Variants in FARS2 observed in about 807,000 individuals in gnomAD.
FARS2 encodes the protein phenylalanyl-tRNA synthetase 2, mitochondrial.
In FARS2, 40 loss-of-function variants were observed where a neutral mutation model predicts 46.4. That is an observed-to-expected ratio of 0.86 (90% CI 0.67 to 1.12). The LOEUF is 1.12. FARS2 is among the 50% of genes most tolerant of loss of function. FARS2 has a pLI of 0.00. For missense variants in FARS2, 513 were observed against 567.9 expected, an observed-to-expected ratio of 0.90 and a Z score of 0.98; for synonymous variants, 234 against 214.9, an observed-to-expected ratio of 1.09 and a Z score of -0.78.
intron 4 of FARS2, among the ~76,000 whole-genome samples, chr6:5,522,513 G>C (rs1282404724): frequency 6.6e-6 from 1 of 152,254 alleles, no homozygotes; most frequent in Non-Finnish European, 1.5e-5. Context: ...AATTTGGTTT[G>C]CCCCATTAGC....
In FARS2 at chr6:5,306,870, A is replaced by C. The variant is rs1347303802; in HGVS notation, c.-22+45210A>C. On this transcript the variant is annotated intron_variant, in intron 1 of 6. Transcript: ENST00000274680. ...TCCTACAGCATGCTGAGGTGGGCAC[A>C]TTTTGACTTTGCTTGGTTTTGAAAG... Among the ~76,000 whole-genome samples, 6 of 152,086 alleles carry C rather than the reference A, an allele frequency of 3.9e-5. No homozygotes were observed. The East Asian group carries it at 1.2e-3, about 29-fold the overall frequency.
chr6:5,629,448 C>T (rs1467807049), intron 6 of FARS2, among the ~76,000 whole-genome samples: 1 of 151,886 alleles, frequency 6.6e-6, no homozygotes, highest in Non-Finnish European at 1.5e-5. Context: ...ATGTATATGT[C>T]TGTCTTTGTA....
At chr6:5,487,818 C>T (rs1472582812) in intron 4 of FARS2, among the ~76,000 whole-genome samples, 5 of 152,148 alleles carry the variant, frequency 3.3e-5, no homozygotes, top group African/African-American at 1.2e-4. Context: ...ATCCTGCAGT[C>T]ATCAGACCCC....
At chr6:5,608,137 A>T (rs1774953966) in intron 5 of FARS2, among the ~76,000 whole-genome samples, 1 of 152,186 alleles carries the variant, frequency 6.6e-6, no homozygotes, top group African/African-American at 2.4e-5. Context: ...TTAACCTCAA[A>T]TATAAGGATA....
At chr6:5,629,911 T>G (rs1452781124) in intron 6 of FARS2, among the ~76,000 whole-genome samples, 1 of 152,040 alleles carries the variant, frequency 6.6e-6, no homozygotes, top group South Asian at 2.1e-4. Flanking sequence ...TCCTGACCTG[T>G]GCGGCCAAGA....
chr6:5,260,450 A>G (rs959097806), upstream of FARS2, among the ~76,000 whole-genome samples: 3 of 152,250 alleles, frequency 2.0e-5, no homozygotes, highest in Non-Finnish European at 4.4e-5. Context: ...TGGTAGAAAG[A>G]AAGGCTCCTC....
chr6:5,264,437 T>G (rs1001827647), intron 1 of FARS2, among the ~76,000 whole-genome samples: 14 of 152,154 alleles, frequency 9.2e-5, no homozygotes, highest in African/African-American at 3.4e-4. Context: ...GTTCATTCCT[T>G]CAGCATTTAT....
intron 4 of FARS2, among the ~76,000 whole-genome samples, chr6:5,538,728 A>G (rs1033492824): frequency 6.6e-6 from 1 of 152,172 alleles, no homozygotes; most frequent in African/African-American, 2.4e-5. Flanking sequence ...CAATGACACA[A>G]TGCAGGGGTG....
chr6:5,346,547 T>C (rs991677182), intron 1 of FARS2, among the ~76,000 whole-genome samples: 4 of 152,096 alleles, frequency 2.6e-5, no homozygotes, highest in South Asian at 2.1e-4. Context: ...TGCTCCGGAG[T>C]GTAGCATTGT....
chr6:5,707,743 G>A (rs914901494), intron 6 of FARS2, among the ~76,000 whole-genome samples: 5 of 152,180 alleles, frequency 3.3e-5, no homozygotes, highest in African/African-American at 7.2e-5. Flanking sequence ...GAGCAGCCAC[G>A]TCCTTCCGTC....
chr6:5,293,172 CA>C (rs1357051653), intron 1 of FARS2, among the ~76,000 whole-genome samples: 1 of 152,152 alleles, frequency 6.6e-6, no homozygotes, highest in Non-Finnish European at 1.5e-5. Context: ...GAATTGCGAA[CA>C]AGAAGTGTTT....
rs185179590 is a variant in FARS2 at position 5,658,781 on chromosome 6, C to T, written c.1217+45461C>T. Among the ~76,000 whole-genome samples, 11 of 152,342 alleles carry T rather than the reference C, an allele frequency of 7.2e-5. No homozygotes were observed. The East Asian group carries it at 2.1e-3, about 29-fold the overall frequency. Reference sequence around the variant, plus strand: ...GGAGAAATTAAGCATCTTCCCCCCACCCCAATAACACAAGTTATTGGATAA... The same window carrying T: ...GGAGAAATTAAGCATCTTCCCCCCATCCCAATAACACAAGTTATTGGATAA... On this transcript the variant is annotated intron_variant, in intron 6 of 6. Transcript: ENST00000274680.
intron 5 of FARS2, among the ~76,000 whole-genome samples, chr6:5,588,309 C>G (rs1411231167): frequency 1.3e-5 from 2 of 152,124 alleles, no homozygotes; most frequent in African/African-American, 4.8e-5. Context: ...CGGGACCACG[C>G]TGTGGCCTCC....
intron 5 of FARS2, among the ~76,000 whole-genome samples, chr6:5,594,371 A>G (rs1774084357): frequency 6.6e-6 from 1 of 152,134 alleles, no homozygotes; most frequent in Non-Finnish European, 1.5e-5. Flanking sequence ...TCTGTACTTT[A>G]TTAGAATCTG....
intron 6 of FARS2, among the ~76,000 whole-genome samples, chr6:5,650,497 CTT>C (rs993016326): frequency 6.6e-6 from 1 of 152,006 alleles, no homozygotes; most frequent in African/African-American, 2.4e-5. Context: ...GCTTTGGTGA[CTT>C]TGTAAAGACA....
Position 5,622,694 on chromosome 6 carries a change from A to T in FARS2, c.1217+9374A>T, listed in dbSNP as rs115777474. Among the ~76,000 whole-genome samples the T allele has an allele frequency of 4.1e-3, 620 of 152,286 alleles. 4 individuals are homozygous for T. The highest frequency in any genetic ancestry group is 6.5e-3 in the Non-Finnish European group (440 of 68,014). The stretch of plus-strand genomic sequence containing the variant: ...GAGGAGCCAACTATGAAGTGGAGAG[A>T]GACAGCCTTCACCAGACACCAAATC... On this transcript the variant is annotated intron_variant, in intron 6 of 6. Transcript: ENST00000274680.
intron 1 of FARS2, among the ~76,000 whole-genome samples, chr6:5,309,609 A>C (rs1358465272): frequency 6.6e-6 from 1 of 152,222 alleles, no homozygotes; most frequent in Non-Finnish European, 1.5e-5. Flanking sequence ...TATGACAGCC[A>C]AAATAATAAA....
chr6:5,667,520 G>GA lies in FARS2; in HGVS notation c.1217+54213dup, dbSNP rs1166355245. 3.8e-3 allele frequency among the ~76,000 whole-genome samples: 298 copies of GA among 79,132 alleles called. 2 individuals are homozygous for GA. The East Asian group carries it at 0.078, about 21-fold the overall frequency. The allele number at this position is 79,132 out of a possible 152,430, so 51.9% of individuals were successfully genotyped here. On this transcript the variant is annotated intron_variant, in intron 6 of 6. Transcript: ENST00000274680. ...GCAACACAGCAAGACACCGTCTCAA[G>GA]AAAAAAAAAAAAAGATTATATTCTT... is the stretch of plus-strand genomic sequence containing the variant.
intron 6 of FARS2, among the ~76,000 whole-genome samples, chr6:5,716,167 G>A (rs1189137059): frequency 6.6e-6 from 1 of 152,152 alleles, no homozygotes; most frequent in African/African-American, 2.4e-5. Context: ...ACCTATAACA[G>A]GATAAAGACA....
Sources: gnomAD v4.1 joint callset for allele counts (sites outside exome capture counted in the v4.1 genomes callset) on GRCh38, gnomAD v4.1.1 for gene constraint, MANE v1.5 for transcripts, NCBI Gene and HGNC (gene_info 2026-07-23, HGNC 2026-07-21) for gene names.